Variants in SRGAP1 observed in about 807,000 individuals in gnomAD.
The protein encoded by SRGAP1 is SLIT-ROBO Rho GTPase activating protein 1, also known as SLIT-ROBO Rho GTPase-activating protein 1.
In SRGAP1, 43 loss-of-function variants were observed where a neutral mutation model predicts 121.9. The observed-to-expected ratio is 0.35, with a 90% CI of 0.28 to 0.46. SRGAP1 has a LOEUF of 0.46. SRGAP1 is among the 20% of genes least tolerant of loss of function. The pLI, the probability that SRGAP1 is intolerant of heterozygous loss-of-function variation, is 1.00. For missense variants in SRGAP1, 1,102 were observed against 1,350.9 expected, an observed-to-expected ratio of 0.82 and a Z score of 2.89; for synonymous variants, 447 against 485.4, an observed-to-expected ratio of 0.92 and a Z score of 1.04.
At chr12:63,925,624 TTAA>T (rs1160060271) in intron 1 of SRGAP1, among the ~76,000 whole-genome samples, 3 of 152,160 alleles carry the variant, frequency 2.0e-5, no homozygotes, top group Admixed American at 6.6e-5. Flanking sequence ...ATACCACGTG[TTAA>T]TATCTAAAGT....
At chr12:63,977,924 G>T (rs576705172) in intron 1 of SRGAP1, among the ~76,000 whole-genome samples, 1 of 152,040 alleles carries the variant, frequency 6.6e-6, no homozygotes, top group African/African-American at 2.4e-5. Context: ...ACATTTTTCC[G>T]CCTAAAAGTG....
At chr12:63,941,372 T>G (rs2031859399) in intron 1 of SRGAP1, among the ~76,000 whole-genome samples, 1 of 152,076 alleles carries the variant, frequency 6.6e-6, no homozygotes, top group South Asian at 2.1e-4. Context: ...ATAGGATGGG[T>G]TTTTTTATGG....
intron 17 of SRGAP1, among the ~76,000 whole-genome samples, chr12:64,113,957 C>T (rs1182551304): frequency 6.6e-6 from 1 of 152,154 alleles, no homozygotes; most frequent in East Asian, 1.9e-4. Context: ...CACTTTCTTT[C>T]TCATTTTCTT....
At chr12:63,967,861 A>C (rs2032832281) in intron 1 of SRGAP1, among the ~76,000 whole-genome samples, 1 of 152,214 alleles carries the variant, frequency 6.6e-6, no homozygotes, top group African/African-American at 2.4e-5. Flanking sequence ...AGTCAGCATC[A>C]ACAGTGCTCA....
At chr12:64,049,819 G>T (rs1256629772) in intron 6 of SRGAP1, among the ~76,000 whole-genome samples, 1 of 152,100 alleles carries the variant, frequency 6.6e-6, no homozygotes, top group African/African-American at 2.4e-5. Flanking sequence ...TTGAAATTAG[G>T]TAGTGTGATT....
At chr12:63,964,522 A>G (rs778248129) in intron 1 of SRGAP1, among the ~76,000 whole-genome samples, 18 of 151,958 alleles carry the variant, frequency 1.2e-4, no homozygotes, top group Non-Finnish European at 1.8e-4. Flanking sequence ...TGGGAATCTC[A>G]TCTAGTATTC....
chr12:63,906,240 T>C (rs189753429), intron 1 of SRGAP1, among the ~76,000 whole-genome samples: 17 of 152,344 alleles, frequency 1.1e-4, no homozygotes, highest in African/African-American at 4.1e-4. Flanking sequence ...CTGATTAGTA[T>C]CTCATTGTAT....
chr12:63,992,983 G>A (rs531093709), intron 3 of SRGAP1, among the ~76,000 whole-genome samples: 2 of 152,148 alleles, frequency 1.3e-5, no homozygotes, highest in East Asian at 1.9e-4. Flanking sequence ...TGCCTTCCTC[G>A]AGCAAACACA....
chr12:63,932,005 A>C (rs2031493077), intron 1 of SRGAP1, among the ~76,000 whole-genome samples: 1 of 152,230 alleles, frequency 6.6e-6, no homozygotes, highest in Non-Finnish European at 1.5e-5. Context: ...GAGTTTGGAT[A>C]GATTATCTAC....
intron 6 of SRGAP1, among the ~76,000 whole-genome samples, chr12:64,051,767 T>G (rs2136519579): frequency 6.6e-6 from 1 of 152,292 alleles, no homozygotes; most frequent in South Asian, 2.1e-4. Flanking sequence ...GCATTCTCTC[T>G]TTCTCTCTCT....
At chr12:64,034,546 T>C (rs1313904216) in intron 4 of SRGAP1, among the ~76,000 whole-genome samples, 1 of 152,248 alleles carries the variant, frequency 6.6e-6, no homozygotes, top group Admixed American at 6.5e-5. Flanking sequence ...GGAAAAATTA[T>C]GACCTGTTAT....
chr12:63,947,867 C>G (rs539576495), intron 1 of SRGAP1, among the ~76,000 whole-genome samples: 4 of 152,290 alleles, frequency 2.6e-5, no homozygotes, highest in African/African-American at 7.2e-5. Flanking sequence ...AGATCCTAAT[C>G]TCAGGCAATA....
intron 1 of SRGAP1, among the ~76,000 whole-genome samples, chr12:63,911,411 T>C (rs2030494766): frequency 6.6e-6 from 1 of 152,170 alleles, no homozygotes; most frequent in African/African-American, 2.4e-5. Context: ...GCTAATGTGC[T>C]GGCAACATCT....
At chr12:63,925,099 A>C (rs2031208404) in intron 1 of SRGAP1, among the ~76,000 whole-genome samples, 1 of 152,128 alleles carries the variant, frequency 6.6e-6, no homozygotes, top group Admixed American at 6.5e-5. Flanking sequence ...AGATGATTTA[A>C]AGTGAGTATG....
At chr12:64,142,265 C>A in intron 21 of SRGAP1, 30 bp from the exon 22 acceptor site, 1 of 1,601,564 alleles carries the variant, frequency 6.2e-7, no homozygotes. Flanking sequence ...TCAGTCTGTG[C>A]TTTCTCTCTT....
rs934316099 is a variant in SRGAP1, at chr12:63,858,821, A to G, written c.67+13938A>G. ...GGGTTCAAGCGATTCTCCTGCCTCA[A>G]CCTCCCAAGTAGCTGGGTTTACGGG... is the stretch of plus-strand genomic sequence containing the variant. On this transcript the variant is annotated intron_variant, in intron 1 of 21. Coordinates refer to ENST00000355086, the MANE Select transcript of SRGAP1 (RefSeq NM_020762.4). Among the ~76,000 whole-genome samples the G allele has an allele frequency of 5.3e-5, 8 of 150,844 alleles. No individual in the cohort carries two copies. The South Asian group carries it at 1.1e-3, about 20-fold the overall frequency.
chr12:64,050,438 T>G (rs1270889581), intron 6 of SRGAP1, among the ~76,000 whole-genome samples: 1 of 101,752 alleles, frequency 9.8e-6, no homozygotes, highest in Admixed American at 1.2e-4. Flanking sequence ...TTGTTAAAGC[T>G]AGACTTTCTC....
At chr12:64,040,898 A>C (rs1023504284) in intron 4 of SRGAP1, among the ~76,000 whole-genome samples, 2 of 152,192 alleles carry the variant, frequency 1.3e-5, no homozygotes, top group African/African-American at 4.8e-5. Flanking sequence ...CTAATGCTGC[A>C]ATTCTATTTC....
At chr12:64,056,657 A>G (rs1187657778) in intron 6 of SRGAP1, among the ~76,000 whole-genome samples, 2 of 152,070 alleles carry the variant, frequency 1.3e-5, no homozygotes, top group African/African-American at 2.4e-5. Flanking sequence ...ATAAAATCCA[A>G]ACTATTCACC....
Sources: allele counts gnomAD v4.1 joint callset (sites outside exome capture counted in the v4.1 genomes callset), GRCh38; gene constraint gnomAD v4.1.1; transcripts MANE v1.5; gene names NCBI Gene and HGNC (gene_info 2026-07-23, HGNC 2026-07-21).